PPFIA2: variants seen among roughly 807,000 people sequenced by gnomAD.
PPFIA2 encodes liprin-alpha-2.
A neutral mutation model predicts 175.5 loss-of-function variants in PPFIA2; 46 were observed. The observed-to-expected ratio is 0.26, with a 90% CI of 0.21 to 0.34. The LOEUF (loss-of-function observed/expected upper bound fraction) is 0.34, where lower values mean the gene tolerates loss of function less well. Among genes scored for constraint, PPFIA2 ranks in the 10% least tolerant of loss-of-function variants. PPFIA2 has a pLI of 1.00. For synonymous variants in PPFIA2, 568 were observed against 511.4 expected (o/e 1.11, Z -1.49); for missense variants, 1,179 against 1,506.1 (o/e 0.78, Z 3.60).
chr12:81,547,098 T>C (rs2067124990), intron 4 of PPFIA2, among the ~76,000 whole-genome samples: 1 of 152,160 alleles, frequency 6.6e-6, no homozygotes, highest in Non-Finnish European at 1.5e-5. Context: ...GGAAAATTAT[T>C]TGCCCGTGAC....
At chr12:81,313,152 G>C (rs184821858) in intron 22 of PPFIA2, among the ~76,000 whole-genome samples, 3 of 152,052 alleles carry the variant, frequency 2.0e-5, no homozygotes, top group Non-Finnish European at 4.4e-5. Context: ...TAGAGGCATT[G>C]AGAAAATATG....
chr12:81,482,878 T>TTA (rs138791153), intron 4 of PPFIA2, among the ~76,000 whole-genome samples: 231 of 150,316 alleles, frequency 1.5e-3, no homozygotes, highest in South Asian at 2.5e-3. Context: ...ATCCCAGAAC[T>TTA]TATATATATA....
chr12:81,508,476 A>C (rs1266974807), intron 4 of PPFIA2, among the ~76,000 whole-genome samples: 2 of 140,264 alleles, frequency 1.4e-5, no homozygotes, highest in African/African-American at 2.6e-5. Context: ...AGCCAAGATC[A>C]TGCCATTGCA....
intron 4 of PPFIA2, among the ~76,000 whole-genome samples, chr12:81,497,542 T>C: frequency 6.8e-6 from 1 of 146,610 alleles, no homozygotes; most frequent in African/African-American, 2.5e-5. Flanking sequence ...TTTTTTTTTT[T>C]TTTTTTTTTT....
intron 4 of PPFIA2, among the ~76,000 whole-genome samples, chr12:81,579,100 A>G (rs772241560): frequency 1.3e-5 from 2 of 151,852 alleles, no homozygotes; most frequent in Non-Finnish European, 2.9e-5. Flanking sequence ...GTCATAAGCA[A>G]GTGCTTTCTT....
chr12:81,538,713 A>G (rs1821324124), intron 4 of PPFIA2, among the ~76,000 whole-genome samples: 1 of 151,930 alleles, frequency 6.6e-6, no homozygotes, highest in South Asian at 2.1e-4. Flanking sequence ...TTTGTGGAAC[A>G]GGATGGGGGC....
chr12:81,383,411 G>A (rs2038199764), intron 9 of PPFIA2, among the ~76,000 whole-genome samples: 1 of 151,906 alleles, frequency 6.6e-6, no homozygotes, highest in Non-Finnish European at 1.5e-5. Flanking sequence ...ATTTGACAGT[G>A]TTACAAATTA....
At chr12:81,560,509 T>A (rs2069826173) in intron 4 of PPFIA2, among the ~76,000 whole-genome samples, 1 of 152,188 alleles carries the variant, frequency 6.6e-6, no homozygotes, top group African/African-American at 2.4e-5. Context: ...CTTACTTCTT[T>A]CATAAATAAA....
intron 23 of PPFIA2, chr12:81,296,828 A>T (rs1376627161): frequency 9.5e-6 from 1 of 105,538 alleles, no homozygotes; most frequent in Admixed American, 9.0e-5. Flanking sequence ...AAAATGAAGG[A>T]ATCAAGCTTG....
At chr12:81,559,914 C>A (rs916651875) in intron 4 of PPFIA2, among the ~76,000 whole-genome samples, 27 of 152,056 alleles carry the variant, frequency 1.8e-4, no homozygotes, top group African/African-American at 6.5e-4. Flanking sequence ...CAGTGGACTC[C>A]TTTGGCCAAA....
intron 4 of PPFIA2, among the ~76,000 whole-genome samples, chr12:81,620,976 G>T (rs1431317484): frequency 2.0e-5 from 3 of 152,100 alleles, no homozygotes; most frequent in Non-Finnish European, 4.4e-5. Flanking sequence ...AATTGGTGTG[G>T]AATGAAATGT....
At chr12:81,733,403 G>C (rs1368590769) in intron 3 of PPFIA2, among the ~76,000 whole-genome samples, 1 of 151,548 alleles carries the variant, frequency 6.6e-6, no homozygotes, top group Non-Finnish European at 1.5e-5. Flanking sequence ...GTACACCATT[G>C]AGCCTATAGT....
chr12:81,600,658 T>G (rs981819316), intron 4 of PPFIA2, among the ~76,000 whole-genome samples: 3 of 151,944 alleles, frequency 2.0e-5, no homozygotes, highest in Non-Finnish European at 2.9e-5. Context: ...CTAAATAGAT[T>G]TACTAGCTGT....
chr12:81,639,393 C>G (rs1303132655), intron 4 of PPFIA2, among the ~76,000 whole-genome samples: 1 of 151,984 alleles, frequency 6.6e-6, no homozygotes, highest in Non-Finnish European at 1.5e-5. Flanking sequence ...CACTCCCAAG[C>G]CTAGAAATAT....
chr12:81,623,142 T>C (rs1374353539), intron 4 of PPFIA2, among the ~76,000 whole-genome samples: 2 of 152,090 alleles, frequency 1.3e-5, no homozygotes, highest in Non-Finnish European at 1.5e-5. Flanking sequence ...TCTACAATGA[T>C]ATCTGATATG....
chr12:81,443,183 C>T (rs2050547885), intron 6 of PPFIA2, among the ~76,000 whole-genome samples: 1 of 151,830 alleles, frequency 6.6e-6, no homozygotes, highest in African/African-American at 2.4e-5. Flanking sequence ...GAAAGCTTTG[C>T]ATATCAGATC....
intron 9 of PPFIA2, among the ~76,000 whole-genome samples, chr12:81,380,423 C>T (rs1185851699): frequency 1.3e-5 from 2 of 151,876 alleles, no homozygotes; most frequent in African/African-American, 4.8e-5. Flanking sequence ...AACTTGCAAT[C>T]CAGTTGACTC....
At chr12:81,694,920 G>C (rs1227266453) in intron 3 of PPFIA2, among the ~76,000 whole-genome samples, 1 of 152,156 alleles carries the variant, frequency 6.6e-6, no homozygotes. Context: ...GATTATTTGG[G>C]AGCTTTAAAA....
intron 3 of PPFIA2, among the ~76,000 whole-genome samples, chr12:81,742,941 C>T (rs774638525): frequency 1.3e-5 from 2 of 151,976 alleles, no homozygotes; most frequent in Non-Finnish European, 1.5e-5. Context: ...GAGAAGTGAC[C>T]GTTGCATTTA....
Sources: allele counts gnomAD v4.1 joint callset (sites outside exome capture counted in the v4.1 genomes callset), GRCh38; gene constraint gnomAD v4.1.1; transcripts MANE v1.5; gene names NCBI Gene and HGNC (gene_info 2026-07-23, HGNC 2026-07-21).